CACNA1A: variants seen among roughly 807,000 people sequenced by gnomAD.
CACNA1A encodes voltage-dependent P/Q-type calcium channel subunit alpha-1A.
A neutral mutation model predicts 262.4 loss-of-function variants in CACNA1A; 57 were observed. That is an observed-to-expected ratio of 0.22 (90% CI 0.18 to 0.27). The LOEUF is 0.27. CACNA1A is among the 10% of genes least tolerant of loss of function. The probability of loss-of-function intolerance (pLI) is 1.00; values close to 1 mark genes in which losing one functional copy is unlikely to be tolerated. For missense variants in CACNA1A, 2,526 were observed against 3,562.8 expected (o/e 0.71, Z 7.41); for synonymous variants, 1,431 against 1,419.3 (o/e 1.01, Z -0.18).
At chr19:13,358,063 T>TC (rs2059038470) in intron 6 of CACNA1A, among the ~76,000 whole-genome samples, 1 of 152,172 alleles carries the variant, frequency 6.6e-6, no homozygotes, top group Non-Finnish European at 1.5e-5. Flanking sequence ...CATTTAGTCT[T>TC]TGATCCTGCA....
At chr19:13,491,472 G>A (rs1459989535) in intron 1 of CACNA1A, among the ~76,000 whole-genome samples, 5 of 152,122 alleles carry the variant, frequency 3.3e-5, no homozygotes, top group African/African-American at 1.2e-4. Flanking sequence ...GGGATGGAGT[G>A]AAATCCTGAC....
chr19:13,264,278 C>T (rs915738546), intron 24 of CACNA1A, among the ~76,000 whole-genome samples: 1 of 152,132 alleles, frequency 6.6e-6, no homozygotes, highest in Admixed American at 6.5e-5. Flanking sequence ...AACTGCCTGC[C>T]CTCTATCCCC....
At chr19:13,282,017 A>C (rs2057303995) in intron 22 of CACNA1A, among the ~76,000 whole-genome samples, 1 of 152,192 alleles carries the variant, frequency 6.6e-6, no homozygotes, top group Admixed American at 6.5e-5. Flanking sequence ...CCTCCTCCCC[A>C]CGCCTGGCTC....
At chr19:13,226,253 C>CGGGGGGGGGGGGG (rs55778152) in intron 37 of CACNA1A, 1 of 55,892 alleles carries the variant, frequency 1.8e-5, no homozygotes, top group Non-Finnish European at 3.8e-5. Flanking sequence ...TGAGGAAAAC[C>CGGGGGGGGGGGGG]GGGGGGGGGG....
chr19:13,473,716 T>G (rs959210845), intron 1 of CACNA1A, among the ~76,000 whole-genome samples: 1 of 151,912 alleles, frequency 6.6e-6, no homozygotes, highest in African/African-American at 2.4e-5. Flanking sequence ...GTCCCCACCA[T>G]GTACATCCCA....
Position 13,253,070 on chromosome 19 carries a change from G to A in CACNA1A, c.4787C>T (p.Ala1596Val), listed in dbSNP as rs1428026447. 4.3e-6 allele frequency: 7 copies of A among 1,613,268 alleles called. No individual in the cohort carries two copies. The highest frequency in any genetic ancestry group is 5.9e-6 in the Non-Finnish European group (7 of 1,179,406). ...FYGASVAYEN[A>V]LRVFNIVFTS... is the part of the protein sequence containing the mutation. ...GAAGACGATGTTGAACACCCGCAGGGCATTTTCATAAGCAACAGAAGCCCC... is the reference window on the plus strand; with the variant it reads ...GAAGACGATGTTGAACACCCGCAGGACATTTTCATAAGCAACAGAAGCCCC... Residue 1596 changes from alanine (A) to valine (V), a missense_variant, in exon 30 of 47, where the codon GCC becomes GTC. Physicochemically the swap from Ala to Val is moderately conservative, Grantham distance 64. This residue lies in a region of CACNA1A where 66 missense variants were observed against 195.8 expected (regional missense o/e 0.34). Transcript: ENST00000360228.
chr19:13,211,019 G>A (rs898681122), intron 43 of CACNA1A: 7 of 269,712 alleles, frequency 2.6e-5, no homozygotes, highest in African/African-American at 6.5e-5. Flanking sequence ...GGCTCCGGCC[G>A]ATGCTCAAAG....
chr19:13,483,091 A>G (rs1979549841), intron 1 of CACNA1A, among the ~76,000 whole-genome samples: 2 of 152,076 alleles, frequency 1.3e-5, no homozygotes. Flanking sequence ...ATTCCAGTCC[A>G]CAGAATGCAG....
Position 13,359,778 on chromosome 19 carries a change from G to A in CACNA1A, c.806C>T (p.Pro269Leu), listed in dbSNP as rs763911399. The change falls in exon 6 of 47, where the codon CCG (proline) becomes CTG (leucine). Residue 269 changes from proline to leucine, a missense_variant. Coordinates refer to ENST00000360228, the MANE Select transcript of CACNA1A (RefSeq NM_001127222.2). ...EGTDDIQGES[P>L]APCGTEEPAR... ...GGGCTCTTCTGTCCCACATGGAGCC[G>A]GAGACTCACCCTGAATGTCATCTAC... is the stretch of plus-strand genomic sequence containing the variant. 6.5e-7 allele frequency: 1 copy of A among 1,534,574 alleles called. No homozygotes were observed. Among genetic ancestry groups the A allele is most frequent in the Non-Finnish European group, 8.8e-7 (1 of 1,136,108 alleles).
intron 24 of CACNA1A, chr19:13,274,583 T>C (rs930136466): frequency 1.3e-5 from 2 of 152,244 alleles, no homozygotes; most frequent in African/African-American, 4.8e-5. Flanking sequence ...ACTGATTAGA[T>C]ATTTTTCATC....
chr19:13,253,171 T>C, intron 29 of CACNA1A, 70 bp from the exon 30 acceptor site: 3 of 910,240 alleles, frequency 3.3e-6, no homozygotes, highest in South Asian at 1.4e-5. Flanking sequence ...GGGAGGCAGC[T>C]TCATGGCTGT....
intron 29 of CACNA1A, among the ~76,000 whole-genome samples, chr19:13,253,366 G>A (rs1006831878): frequency 6.6e-6 from 1 of 151,176 alleles, no homozygotes; most frequent in Non-Finnish European, 1.5e-5. Flanking sequence ...GCCCAGGCTG[G>A]GCTTGAACTC....
chr19:13,464,201 G>A (rs1306761007), intron 1 of CACNA1A, among the ~76,000 whole-genome samples: 2 of 152,120 alleles, frequency 1.3e-5, no homozygotes, highest in South Asian at 2.1e-4. Flanking sequence ...CAGCCTGGGC[G>A]ACACAGCAAG....
intron 30 of CACNA1A, among the ~76,000 whole-genome samples, chr19:13,251,014 C>A (rs2056380696): frequency 6.6e-6 from 1 of 151,298 alleles, no homozygotes; most frequent in Admixed American, 6.6e-5. Flanking sequence ...CATCTGTAGT[C>A]CCAGCTACTC....
chr19:13,428,060 T>C (rs967544371), intron 3 of CACNA1A, among the ~76,000 whole-genome samples: 1 of 152,170 alleles, frequency 6.6e-6, no homozygotes, highest in Non-Finnish European at 1.5e-5. Context: ...GCCAAGTAGC[T>C]GGGATTACAG....
At chr19:13,224,483 T>A (rs1429059420) in intron 38 of CACNA1A, among the ~76,000 whole-genome samples, 184 bp downstream of exon 38, 1 of 87,482 alleles carries the variant, frequency 1.1e-5, no homozygotes, top group African/African-American at 4.4e-5. Flanking sequence ...CAAGACTCTG[T>A]CTCAAAAAAA....
chr19:13,238,740 C>G (rs1191291661), intron 31 of CACNA1A, among the ~76,000 whole-genome samples: 1 of 152,124 alleles, frequency 6.6e-6, no homozygotes, highest in Non-Finnish European at 1.5e-5. Flanking sequence ...CACCTGCCAC[C>G]ACGCCTGGCT....
rs1469283771 is a variant in CACNA1A, at chr19:13,209,119, G to C, written c.6527-110C>G. 7 of 1,463,674 alleles carry C rather than the reference G, an allele frequency of 4.8e-6. No individual in the cohort carries two copies. The African/African-American group carries it at 8.4e-5, about 18-fold the overall frequency. 90.7% of individuals were successfully genotyped at this position (1,463,674 alleles called of 1,614,324 possible). A position where few individuals can be genotyped will look rare whatever the true frequency, so the allele number is the denominator to read the frequency against. On this transcript the variant is annotated intron_variant, in intron 45 of 46. Coordinates refer to ENST00000360228, the MANE Select transcript of CACNA1A (RefSeq NM_001127222.2). ...GGTGTGGGGGCCCTAGAGATCCCCT[G>C]AACCGAGGCAGGTCAGTGGGTTGGG...
At chr19:13,481,423 T>C (rs540210539) in intron 1 of CACNA1A, among the ~76,000 whole-genome samples, 17 of 152,038 alleles carry the variant, frequency 1.1e-4, no homozygotes, top group Admixed American at 3.3e-4. Flanking sequence ...CAATGAGGGG[T>C]TGCTCTTCCG....
Sources: gnomAD v4.1 joint callset for allele counts (sites outside exome capture counted in the v4.1 genomes callset) on GRCh38, gnomAD v4.1.1 for gene constraint, gnomAD v4.1.1 regional missense constraint, MANE v1.5 for transcripts, NCBI Gene and HGNC (gene_info 2026-07-23, HGNC 2026-07-21) for gene names.